NPAT: variants seen among roughly 807,000 people sequenced by gnomAD.
NPAT encodes protein NPAT.
Under a neutral mutation model 130.7 loss-of-function variants are expected in NPAT, and 52 were observed. That is an observed-to-expected ratio of 0.40 (90% CI 0.32 to 0.50). The LOEUF is 0.50. Ranked by LOEUF, NPAT falls within the 20% of genes least tolerant of loss-of-function variation. The pLI, the probability that NPAT is intolerant of heterozygous loss-of-function variation, is 0.68. For synonymous variants in NPAT, 580 were observed against 584.8 expected (o/e 0.99, Z 0.12); for missense variants, 1,687 against 1,662.6 (o/e 1.01, Z -0.26).
chr11:108,164,972 G>A (rs959288776), intron 15 of NPAT, among the ~76,000 whole-genome samples: 1 of 152,172 alleles, frequency 6.6e-6, no homozygotes, highest in African/African-American at 2.4e-5. Flanking sequence ...GACTGCCACT[G>A]CATTCCAGCC....
In NPAT at chr11:108,161,798, A is replaced by T. The variant is rs761163066; in HGVS notation, c.3288T>A (p.Pro1096=). ...AGGACACATTGGGTGAGTCAAGATTAGGAAAAGAGACTGCATTCCTTTCTT... is the reference window on the plus strand; with the variant it reads ...AGGACACATTGGGTGAGTCAAGATTTGGAAAAGAGACTGCATTCCTTTCTT... ...QNKERNAVSF[P]NLDSPNVSST... The change falls in exon 17 of 18, where the codon CCT becomes CCA. Residue 1096 remains proline (P), a synonymous_variant. Transcript: ENST00000278612. 1 of 1,614,076 alleles carries T rather than the reference A, an allele frequency of 6.2e-7. No individual in the cohort carries two copies.
rs762771164 is a variant in NPAT, at chr11:108,186,472, A to T, written c.726+10T>A. On this transcript the variant is annotated intron_variant, in intron 8 of 17. Coordinates refer to ENST00000278612, the MANE Select transcript of NPAT (RefSeq NM_002519.3). ...TATTTTAAGTTGCAAAGTTTGGCAG[A>T]GTCACTTACTTTTTCTACTGCAAAA... 6.2e-7 allele frequency: 1 copy of T among 1,609,688 alleles called. No individual in the cohort carries two copies. The highest frequency in any genetic ancestry group is 1.1e-5 in the South Asian group (1 of 90,986).
rs2078390729 is a variant in NPAT at position 108,212,211 on chromosome 11, A to G, written c.37+10289T>C. ...TTGCATGTATCCTCTAGCCAGGGCA[A>G]TTAGGAAAAAACTTGAAATAAAAAG... On this transcript the variant is annotated intron_variant, in intron 1 of 17. Transcript: ENST00000278612. Among the ~76,000 whole-genome samples, 3 of 152,128 alleles carry G rather than the reference A, an allele frequency of 2.0e-5. No homozygotes were observed. The South Asian group carries it at 6.2e-4, about 32-fold the overall frequency.
At chr11:108,167,868 CAACA>C (rs1476331890) in intron 15 of NPAT, among the ~76,000 whole-genome samples, 1 of 151,756 alleles carries the variant, frequency 6.6e-6, no homozygotes, top group East Asian at 1.9e-4. Flanking sequence ...TATAACACCT[CAACA>C]GACAGGAAAT....
At chr11:108,200,755 C>A (rs56833752) in intron 1 of NPAT, among the ~76,000 whole-genome samples, 1,956 of 152,246 alleles carry the variant, frequency 0.013, 53 homozygotes, top group African/African-American at 0.044. Flanking sequence ...GGAGACTGGT[C>A]CAAGACCTCT....
At chr11:108,218,732 A>C (rs1360620496) in intron 1 of NPAT, among the ~76,000 whole-genome samples, 1 of 152,218 alleles carries the variant, frequency 6.6e-6, no homozygotes, top group African/African-American at 2.4e-5. Context: ...GTACTGAAGG[A>C]TGGTTGGGAA....
At chr11:108,193,559 C>T (rs943558693) in intron 3 of NPAT, among the ~76,000 whole-genome samples, 8 of 151,964 alleles carry the variant, frequency 5.3e-5, no homozygotes, top group African/African-American at 1.7e-4. Context: ...AACCCTGGCT[C>T]TACTAAAAAT....
intron 1 of NPAT, among the ~76,000 whole-genome samples, chr11:108,222,147 C>A (rs2078518089): frequency 6.6e-6 from 1 of 152,106 alleles, no homozygotes; most frequent in African/African-American, 2.4e-5. Context: ...GGAAATTGCG[C>A]CCAAGGTTGA....
At position 108,185,412 on chromosome 11, in the gene NPAT, AATTT is replaced by A; in HGVS notation, c.805_808del (p.Lys269PhefsTer2). ...AACATATATAGCTTACCTAGTTAAA[AATTT>A]ATTTATGTTTTCTGCTAGCTTTTCT... is the stretch of plus-strand genomic sequence containing the variant. On this transcript the variant is annotated frameshift_variant, in exon 9 of 18. Transcript: ENST00000278612. LOFTEE classifies it high-confidence loss of function. 2 of 1,604,466 alleles carry A rather than the reference AATTT, an allele frequency of 1.2e-6. No individual in the cohort carries two copies. Among genetic ancestry groups the A allele is most frequent in the Non-Finnish European group, 1.7e-6 (2 of 1,171,994 alleles).
chr11:108,190,300 G>A lies in NPAT; in HGVS notation c.331+160C>T, dbSNP rs183209440. 1.1e-4 allele frequency among the ~76,000 whole-genome samples: 13 copies of A among 115,346 alleles called. 1 individual carries two copies. The South Asian group carries it at 2.9e-3, about 26-fold the overall frequency. 75.7% of individuals were successfully genotyped at this position (115,346 alleles called of 152,430 possible). A position where few individuals can be genotyped will look rare whatever the true frequency, so the allele number is the denominator to read the frequency against. Reference sequence around the variant, plus strand: ...TGCACTTCAGCCTGGGCGACAGAGCGAGACACTGTCTCAAAAAAAAAAAAA... The same window carrying A: ...TGCACTTCAGCCTGGGCGACAGAGCAAGACACTGTCTCAAAAAAAAAAAAA... On this transcript the variant is annotated intron_variant, in intron 5 of 17. Coordinates refer to ENST00000278612, the MANE Select transcript of NPAT (RefSeq NM_002519.3).
intron 10 of NPAT, among the ~76,000 whole-genome samples, chr11:108,181,488 C>A (rs1280480638): frequency 6.6e-6 from 1 of 151,858 alleles, no homozygotes; most frequent in Non-Finnish European, 1.5e-5. Flanking sequence ...ACAAAAAAAA[C>A]TTACAGCTAT....
rs1468675089 is a variant in NPAT, at chr11:108,165,654, G to A, written c.3011-3474C>T. ...TAATATTTTTTTTTTTTTTTGAGACGGAGTCTCACTCTGTCGCCCAGGCTG... is the reference window on the plus strand; with the variant it reads ...TAATATTTTTTTTTTTTTTTGAGACAGAGTCTCACTCTGTCGCCCAGGCTG... On this transcript the variant is annotated intron_variant, in intron 15 of 17. Transcript: ENST00000278612. Among the ~76,000 whole-genome samples the A allele has an allele frequency of 6.2e-5, 9 of 145,224 alleles. No individual in the cohort carries two copies. The East Asian group carries it at 1.4e-3, about 23-fold the overall frequency.
chr11:108,193,593 C>CG (rs2078191949), intron 3 of NPAT, among the ~76,000 whole-genome samples: 1 of 152,078 alleles, frequency 6.6e-6, no homozygotes, highest in Admixed American at 6.5e-5. Flanking sequence ...GGCATGGTGG[C>CG]GCATGCCTGT....
intron 1 of NPAT, among the ~76,000 whole-genome samples, chr11:108,201,012 A>G (rs1334139116): frequency 6.6e-6 from 1 of 152,232 alleles, no homozygotes; most frequent in Non-Finnish European, 1.5e-5. Context: ...CTGTTTGGGC[A>G]GTTCCTTTAT....
chr11:108,181,534 C>T (rs530154780), intron 10 of NPAT, among the ~76,000 whole-genome samples: 1 of 152,134 alleles, frequency 6.6e-6, no homozygotes, highest in East Asian at 1.9e-4. Context: ...TTAACATTAC[C>T]AAACTGTACA....
Position 108,162,114 on chromosome 11 carries a change from A to G in NPAT, c.3071+6T>C. On this transcript the variant is annotated splice_donor_region_variant and intron_variant, in intron 16 of 17. Transcript: ENST00000278612. ...CAATCTATGATAGAAACTACTTTAT[A>G]CTCACTTTTGTGCATGACATCCAAC... The G allele has an allele frequency of 8.1e-6, 13 of 1,613,552 alleles. No homozygotes were observed. Among genetic ancestry groups the G allele is most frequent in the Non-Finnish European group, 1.0e-5 (12 of 1,179,478 alleles).
In NPAT at chr11:108,176,934, A is replaced by C. The variant is rs192096902; in HGVS notation, c.1003+60T>G. On this transcript the variant is annotated intron_variant, in intron 11 of 17. Coordinates refer to ENST00000278612, the MANE Select transcript of NPAT (RefSeq NM_002519.3). ...GGGGAATGTTGATTCACTCTGGTTA[A>C]GTTACCAAAGAAATTGTAGAAGCCT... 6.4e-6 allele frequency: 7 copies of C among 1,086,200 alleles called. No individual in the cohort carries two copies. In the Admixed American group the frequency reaches 8.6e-5, roughly 13 times the overall value. 67.3% of individuals were successfully genotyped at this position (1,086,200 alleles called of 1,614,324 possible). A position where few individuals can be genotyped will look rare whatever the true frequency, so the allele number is the denominator to read the frequency against.
intron 1 of NPAT, among the ~76,000 whole-genome samples, chr11:108,197,753 C>A (rs1383578155): frequency 6.6e-6 from 1 of 152,134 alleles, no homozygotes; most frequent in Non-Finnish European, 1.5e-5. Flanking sequence ...CCATAAAGAC[C>A]AAGTCAGTTG....
chr11:108,170,833 TA>T (rs2077943446), intron 13 of NPAT, among the ~76,000 whole-genome samples: 6 of 152,202 alleles, frequency 3.9e-5, no homozygotes. Context: ...CATTCTCTAT[TA>T]ATTCTGACCT....
Sources: allele counts gnomAD v4.1 joint callset (sites outside exome capture counted in the v4.1 genomes callset), GRCh38; gene constraint gnomAD v4.1.1; transcripts MANE v1.5; gene names NCBI Gene and HGNC (gene_info 2026-07-23, HGNC 2026-07-21).